TFAP4: variants seen among roughly 807,000 people sequenced by gnomAD.
TFAP4 encodes transcription factor AP-4, also known as activating enhancer-binding protein 4.
A neutral mutation model predicts 40.4 loss-of-function variants in TFAP4; 7 were observed. The ratio of observed to expected loss-of-function variants is 0.17; its 90% CI spans 0.10 to 0.33. The LOEUF is 0.33. Ranked by LOEUF, TFAP4 falls within the 10% of genes least tolerant of loss-of-function variation. TFAP4 has a pLI of 1.00. For missense variants in TFAP4, 374 were observed against 451.1 expected, an observed-to-expected ratio of 0.83 and a Z score of 1.55; for synonymous variants, 218 against 181.4, an observed-to-expected ratio of 1.20 and a Z score of -1.62.
chr16:4,267,681 C>A (rs2053008418), intron 1 of TFAP4, among the ~76,000 whole-genome samples: 2 of 152,250 alleles, frequency 1.3e-5, no homozygotes, highest in African/African-American at 4.8e-5. Context: ...TGAGAACTTT[C>A]ATTTCACACT....
At chr16:4,263,732 T>C (rs996488195) in intron 1 of TFAP4, 2 of 152,742 alleles carry the variant, frequency 1.3e-5, no homozygotes, top group South Asian at 2.1e-4. Context: ...GCAGGAGCAG[T>C]GGCCAGTGCG....
Position 4,262,384 on chromosome 16 carries a change from G to T in TFAP4, c.294C>A (p.Ser98=). ...ILQQTAEYIF[S]LEQEKTRLLQ... is the part of the protein sequence containing the mutation. Reference sequence around the variant, plus strand: ...AGAGCCTGGTCTTCTCCTGCTCCAGGGAGAAGATGTACTCGGCTGTCTGCT... The same window carrying T: ...AGAGCCTGGTCTTCTCCTGCTCCAGTGAGAAGATGTACTCGGCTGTCTGCT... The change falls in exon 3 of 7, where the codon TCC becomes TCA. Residue 98 remains serine (S), a synonymous_variant. Transcript: ENST00000204517. 1 of 1,614,220 alleles carries T rather than the reference G, an allele frequency of 6.2e-7. No homozygotes were observed. The highest frequency in any genetic ancestry group is 1.1e-5 in the South Asian group (1 of 91,084).
chr16:4,262,402 T>C lies in TFAP4; in HGVS notation c.276A>G (p.Thr92=). 1 of 1,614,216 alleles carries C rather than the reference T, an allele frequency of 6.2e-7. No homozygotes were observed. The highest frequency in any genetic ancestry group is 8.5e-7 in the Non-Finnish European group (1 of 1,180,036). ...GCTCCAGGGAGAAGATGTACTCGGC[T>C]GTCTGCTGGAGAATGGCTGCCTGAG... is the stretch of plus-strand genomic sequence containing the variant. ...KLSKAAILQQ[T]AEYIFSLEQE... The change falls in exon 3 of 7, where the codon ACA becomes ACG. Residue 92 remains threonine (T), a synonymous_variant. Coordinates refer to ENST00000204517, the MANE Select transcript of TFAP4 (RefSeq NM_003223.3).
intron 6 of TFAP4, among the ~76,000 whole-genome samples, chr16:4,259,688 G>A (rs965157436): frequency 1.4e-4 from 22 of 152,226 alleles, no homozygotes; most frequent in African/African-American, 5.3e-4. Flanking sequence ...TCCTCTGTAG[G>A]AGGCCCAACT....
chr16:4,261,846 C>T lies in TFAP4; in HGVS notation c.458G>A (p.Arg153Gln). Residue 153 changes from arginine (R) to glutamine (Q), a missense_variant, in exon 4 of 7, where the codon CGG becomes CAG. By Grantham distance (43) the Arg-to-Gln change is conservative. Around this residue, in one of 6 missense-constraint regions of TFAP4, gnomAD observed 161 missense variants for 154.2 expected, o/e 1.04. Coordinates refer to ENST00000204517, the MANE Select transcript of TFAP4 (RefSeq NM_003223.3). ...CTGCTGCCGCAGCTCAATCATCTCCCGCCGCAGGTCCTCCGCCTTCTCGTC... is the reference window on the plus strand; with the variant it reads ...CTGCTGCCGCAGCTCAATCATCTCCTGCCGCAGGTCCTCCGCCTTCTCGTC... The part of the protein sequence containing the change: ...WEDEKAEDLR[R>Q]EMIELRQQLD... 6.2e-7 allele frequency: 1 copy of T among 1,613,430 alleles called. No homozygotes were observed. The highest frequency in any genetic ancestry group is 8.5e-7 in the Non-Finnish European group (1 of 1,179,806).
intron 6 of TFAP4, among the ~76,000 whole-genome samples, 190 bp downstream of exon 6, chr16:4,259,900 C>G (rs901344659): frequency 6.6e-6 from 1 of 152,222 alleles, no homozygotes; most frequent in Non-Finnish European, 1.5e-5. Flanking sequence ...TAGGCCCTGC[C>G]CCGATCTCTG....
At chr16:4,263,823 G>C (rs889306229) in intron 1 of TFAP4, 6 of 153,468 alleles carry the variant, frequency 3.9e-5, no homozygotes, top group East Asian at 1.9e-4. Context: ...GTGTGCGCCA[G>C]GGGGCGGGGC....
At chr16:4,258,459 G>C in intron 6 of TFAP4, 3 of 526,432 alleles carry the variant, frequency 5.7e-6, no homozygotes, top group African/African-American at 2.0e-5. Context: ...TATCACCCAG[G>C]CTAGAGTGCA....
rs372961075 is a variant in TFAP4, at chr16:4,259,178, G to C, written c.822+912C>G. Among the ~76,000 whole-genome samples the C allele has an allele frequency of 3.2e-4, 49 of 152,102 alleles. No individual in the cohort carries two copies. The East Asian group carries it at 8.7e-3, about 27-fold the overall frequency. On this transcript the variant is annotated intron_variant, in intron 6 of 6. Transcript: ENST00000204517. ...AGAAAGAGTCTCACCGTGTCACCCA[G>C]GCTGGAGTTCAGTGGTGCAATCTCA... is the stretch of plus-strand genomic sequence containing the variant.
At chr16:4,267,512 G>A (rs1312036559) in intron 1 of TFAP4, among the ~76,000 whole-genome samples, 1 of 152,272 alleles carries the variant, frequency 6.6e-6, no homozygotes, top group East Asian at 1.9e-4. Context: ...AGAATCTGCT[G>A]AGACTGACGC....
chr16:4,270,277 C>T (rs1320877404), intron 1 of TFAP4, among the ~76,000 whole-genome samples: 1 of 152,204 alleles, frequency 6.6e-6, no homozygotes, highest in African/African-American at 2.4e-5. Flanking sequence ...GACTGAGAAC[C>T]ATTAGGCGAC....
chr16:4,269,026 T>C (rs2053019169), intron 1 of TFAP4, among the ~76,000 whole-genome samples: 1 of 152,076 alleles, frequency 6.6e-6, no homozygotes, highest in South Asian at 2.1e-4. Flanking sequence ...GAGCTGAGAC[T>C]ACAGGCACAT....
At chr16:4,272,328 G>C (rs960509002) in intron 1 of TFAP4, among the ~76,000 whole-genome samples, 2 of 152,126 alleles carry the variant, frequency 1.3e-5, no homozygotes. Context: ...GAGGGGGAAA[G>C]AGGAAGCGCG....
chr16:4,259,291 G>A (rs111752627), intron 6 of TFAP4, among the ~76,000 whole-genome samples: 10 of 151,698 alleles, frequency 6.6e-5, no homozygotes, highest in African/African-American at 1.4e-4. Flanking sequence ...GCACCACCAC[G>A]TCAGGCTAAT....
intron 1 of TFAP4, among the ~76,000 whole-genome samples, chr16:4,272,121 C>T (rs1330315690): frequency 6.6e-6 from 1 of 151,274 alleles, no homozygotes; most frequent in African/African-American, 2.4e-5. Flanking sequence ...AGCACGCCCC[C>T]GACCCCGCTG....
chr16:4,272,844 G>T lies in TFAP4; in HGVS notation c.-98C>A. The T allele has an allele frequency of 2.2e-6, 2 of 911,902 alleles. No homozygotes were observed. Among genetic ancestry groups the T allele is most frequent in the Non-Finnish European group, 3.0e-6 (2 of 674,200 alleles). The allele number at this position is 911,902 out of a possible 1,614,324, so 56.5% of individuals were successfully genotyped here. A position where few individuals can be genotyped will look rare whatever the true frequency, so the allele number is the denominator to read the frequency against. On this transcript the variant is annotated 5_prime_UTR_variant, in exon 1 of 7. Transcript: ENST00000204517. ...TCAAAGGGCAGCGCCGGACGGAGGT[G>T]CAGAATCGGCCGGTCCCAGATGCTG...
In TFAP4 at chr16:4,262,408, C is replaced by T; in HGVS notation, c.270G>A (p.Gln90=). The change falls in exon 3 of 7, where the codon CAG becomes CAA. Residue 90 remains glutamine (Q), a synonymous_variant. Transcript: ENST00000204517. ...GGGAGAAGATGTACTCGGCTGTCTG[C>T]TGGAGAATGGCTGCCTGAGGGCGTG... The part of the protein sequence containing the change: ...GEKLSKAAIL[Q]QTAEYIFSLE... 1 of 1,614,218 alleles carries T rather than the reference C, an allele frequency of 6.2e-7. No individual in the cohort carries two copies. Among genetic ancestry groups the T allele is most frequent in the Non-Finnish European group, 8.5e-7 (1 of 1,180,044 alleles).
chr16:4,262,833 G>A, intron 1 of TFAP4, 132 bp from the exon 2 acceptor site: 4 of 1,027,578 alleles, frequency 3.9e-6, no homozygotes, highest in Non-Finnish European at 4.3e-6. Flanking sequence ...GTGATGGAGG[G>A]GTGCTCTCTG....
chr16:4,272,954 A>ATGTATG lies in TFAP4; in HGVS notation c.-209_-208insCATACA. On this transcript the variant is annotated 5_prime_UTR_variant, in exon 1 of 7. Transcript: ENST00000204517. The stretch of plus-strand genomic sequence containing the variant: ...CCGGCCTGCCTCCCCGGGCGTGTGT[A>ATGTATG]TGTGTGTGTGTGTGTGTGTGTGTGT... 2 of 156,258 alleles carry ATGTATG rather than the reference A, an allele frequency of 1.3e-5. No individual in the cohort carries two copies. Among genetic ancestry groups the ATGTATG allele is most frequent in the South Asian group, 1.5e-4 (2 of 13,652 alleles). 9.7% of individuals were successfully genotyped at this position (156,258 alleles called of 1,614,324 possible).
Sources: allele counts gnomAD v4.1 joint callset (sites outside exome capture counted in the v4.1 genomes callset), GRCh38; gene constraint gnomAD v4.1.1; regional missense constraint gnomAD v4.1.1; transcripts MANE v1.5; gene names NCBI Gene and HGNC (gene_info 2026-07-23, HGNC 2026-07-21).